ACBD3: variants seen among roughly 807,000 people sequenced by gnomAD.
ACBD3 encodes acyl-CoA binding domain containing 3.
A neutral mutation model predicts 66.9 loss-of-function variants in ACBD3; 30 were observed. That is an observed-to-expected ratio of 0.45 (90% CI 0.34 to 0.61). ACBD3 has a LOEUF of 0.61. Among genes scored for constraint, ACBD3 ranks in the 20% least tolerant of loss-of-function variants. ACBD3 has a pLI of 0.02. For synonymous variants in ACBD3, 278 were observed against 259.8 expected, an observed-to-expected ratio of 1.07 and a Z score of -0.68; for missense variants, 544 against 664.5, an observed-to-expected ratio of 0.82 and a Z score of 1.99.
intron 3 of ACBD3, among the ~76,000 whole-genome samples, chr1:226,163,975 G>T (rs930255358): frequency 1.3e-5 from 2 of 151,814 alleles, no homozygotes; most frequent in African/African-American, 4.8e-5. Flanking sequence ...ACAAAAATTA[G>T]CTGGGTTGGT....
At chr1:226,169,689 C>T (rs1659952504) in intron 1 of ACBD3, among the ~76,000 whole-genome samples, 1 of 137,222 alleles carries the variant, frequency 7.3e-6, no homozygotes, top group Non-Finnish European at 1.5e-5. Flanking sequence ...GCATTACAGG[C>T]GTGAGCCGAG....
intron 1 of ACBD3, among the ~76,000 whole-genome samples, chr1:226,169,303 C>T (rs563371737): frequency 2.0e-5 from 3 of 150,406 alleles, no homozygotes; most frequent in Non-Finnish European, 3.0e-5. Context: ...GCTGGAGTGC[C>T]GTGGTGCGAT....
At chr1:226,159,946 C>T (rs1038877654) in intron 4 of ACBD3, among the ~76,000 whole-genome samples, 2 of 152,072 alleles carry the variant, frequency 1.3e-5, no homozygotes, top group Admixed American at 6.6e-5. Context: ...TACAGGTGGC[C>T]CTGGTAAGTA....
rs76711535 is a variant in ACBD3, at chr1:226,174,276, T to C, written c.287-8276A>G. Among the ~76,000 whole-genome samples the C allele has an allele frequency of 0.014, 2,075 of 152,280 alleles. 119 individuals carry two copies. In the East Asian group the frequency reaches 0.19, roughly 14 times the overall value. ...CTCGGCTCTTGCACTCATTAATTAT[T>C]AATATTACAAAGTTATTTAATTCAA... On this transcript the variant is annotated intron_variant, in intron 1 of 7. Coordinates refer to ENST00000366812, the MANE Select transcript of ACBD3 (RefSeq NM_022735.4).
At chr1:226,159,380 A>G (rs1232339179) in intron 4 of ACBD3, 22 bp from the exon 5 acceptor site, 2 of 1,610,898 alleles carry the variant, frequency 1.2e-6, no homozygotes, top group Non-Finnish European at 1.7e-6. Context: ...AAAAATATAT[A>G]TACTAGTCTG....
intron 1 of ACBD3, among the ~76,000 whole-genome samples, chr1:226,167,404 G>A (rs984961218): frequency 6.6e-6 from 1 of 152,296 alleles, no homozygotes; most frequent in Non-Finnish European, 1.5e-5. Flanking sequence ...TACTTCAGAG[G>A]TAATAGGATT....
At chr1:226,164,756 A>G (rs761094625) in intron 3 of ACBD3, 33 bp downstream of exon 3, 11 of 1,596,076 alleles carry the variant, frequency 6.9e-6, no homozygotes, top group Non-Finnish European at 7.7e-6. Flanking sequence ...TGGGCTGCGC[A>G]GCAATAAAGT....
At chr1:226,155,300 C>A (rs1659651073) in intron 5 of ACBD3, among the ~76,000 whole-genome samples, 1 of 151,854 alleles carries the variant, frequency 6.6e-6, no homozygotes, top group Admixed American at 6.6e-5. Flanking sequence ...GCCTGTAATC[C>A]CAGCTACTTG....
chr1:226,174,153 C>G (rs1420439758), intron 1 of ACBD3, among the ~76,000 whole-genome samples: 1 of 152,094 alleles, frequency 6.6e-6, no homozygotes, highest in Non-Finnish European at 1.5e-5. Context: ...TGCACAGACA[C>G]AAAAAGCCTT....
At chr1:226,172,082 G>A (rs750262770) in intron 1 of ACBD3, among the ~76,000 whole-genome samples, 1 of 143,786 alleles carries the variant, frequency 7.0e-6, no homozygotes, top group Non-Finnish European at 1.5e-5. Context: ...TTGAACCTGG[G>A]AGGCGGAGGT....
chr1:226,176,408 C>A (rs942630928), intron 1 of ACBD3, among the ~76,000 whole-genome samples: 6 of 131,410 alleles, frequency 4.6e-5, no homozygotes, highest in Non-Finnish European at 9.3e-5. Flanking sequence ...CCAGCCTGGG[C>A]TACAGAGCGA....
At chr1:226,164,125 A>C (rs1374688212) in intron 3 of ACBD3, among the ~76,000 whole-genome samples, 1 of 140,914 alleles carries the variant, frequency 7.1e-6, no homozygotes. Context: ...TTAAAAAAAA[A>C]AAAAAAAAAA....
At chr1:226,150,236 ATTT>A (rs1010042431) in intron 7 of ACBD3, among the ~76,000 whole-genome samples, 2 of 150,806 alleles carry the variant, frequency 1.3e-5, no homozygotes, top group Non-Finnish European at 3.0e-5. Context: ...CTAAAAAAAA[ATTT>A]TTTTTGTCGA....
At position 226,163,295 on chromosome 1, in the gene ACBD3, A is replaced by G. The variant is rs138600141; in HGVS notation, c.569+1494T>C. The stretch of plus-strand genomic sequence containing the variant: ...AACGCAGCTCTATATGTTGAGTAGT[A>G]ACTTTTGACAATGCTTAAGAGAAAT... On this transcript the variant is annotated intron_variant, in intron 3 of 7. Transcript: ENST00000366812. Among the ~76,000 whole-genome samples the G allele has an allele frequency of 1.8e-4, 27 of 152,328 alleles. No individual in the cohort carries two copies. In the East Asian group the frequency reaches 4.8e-3, roughly 27 times the overall value.
intron 1 of ACBD3, among the ~76,000 whole-genome samples, chr1:226,179,342 G>C (rs1023859248): frequency 6.6e-6 from 1 of 152,044 alleles, no homozygotes; most frequent in Non-Finnish European, 1.5e-5. Flanking sequence ...GCTCCATTTT[G>C]TTTTTAACCC....
chr1:226,154,694 T>C lies in ACBD3; in HGVS notation c.1043A>G (p.Glu348Gly). 2 of 1,613,694 alleles carry C rather than the reference T, an allele frequency of 1.2e-6. No homozygotes were observed. Among genetic ancestry groups the C allele is most frequent in the Non-Finnish European group, 1.7e-6 (2 of 1,179,752 alleles). Residue 348 changes from glutamate (E) to glycine (G), a missense_variant, in exon 6 of 8, where the codon GAA becomes GGA. Glu to Gly is a moderately conservative substitution (Grantham distance 98). Transcript: ENST00000366812. ...AKTHTDSSEK[E>G]LEPEAAEEAL... ...TTCTTCTGCAGCTTCTGGTTCCAGTTCTTTTTCGGAGCTGTCAGTGTGTGT... is the reference window on the plus strand; with the variant it reads ...TTCTTCTGCAGCTTCTGGTTCCAGTCCTTTTTCGGAGCTGTCAGTGTGTGT...
intron 1 of ACBD3, among the ~76,000 whole-genome samples, chr1:226,181,864 G>A (rs2102791654): frequency 6.6e-6 from 1 of 152,246 alleles, no homozygotes; most frequent in South Asian, 2.1e-4. Context: ...ATAATAAAAT[G>A]AACCCACTGG....
intron 1 of ACBD3, among the ~76,000 whole-genome samples, chr1:226,169,982 C>G (rs1179998782): frequency 7.0e-6 from 1 of 143,436 alleles, no homozygotes; most frequent in Non-Finnish European, 1.5e-5. Flanking sequence ...AATCATACCA[C>G]TGCACTCCAG....
intron 6 of ACBD3, 152 bp downstream of exon 6, chr1:226,154,495 G>C (rs1659636184): frequency 3.6e-6 from 3 of 823,960 alleles, no homozygotes; most frequent in Non-Finnish European, 5.5e-6. Context: ...AGTCACCAGA[G>C]CATTAGATTC....
Sources: gnomAD v4.1 joint callset for allele counts (sites outside exome capture counted in the v4.1 genomes callset) on GRCh38, gnomAD v4.1.1 for gene constraint, MANE v1.5 for transcripts, NCBI Gene and HGNC (gene_info 2026-07-23, HGNC 2026-07-21) for gene names.